The following ROBO1 variants were observed in gnomAD, a reference collection of about 807,000 sequenced individuals.
The protein encoded by ROBO1 is roundabout homolog 1.
A neutral mutation model predicts 195.9 loss-of-function variants in ROBO1; 149 were observed. The observed-to-expected ratio is 0.76, with a 90% CI of 0.67 to 0.87. The LOEUF (loss-of-function observed/expected upper bound fraction) is 0.87. ROBO1 is among the 40% of genes least tolerant of loss of function. The probability of loss-of-function intolerance (pLI) is 0.00; values close to 1 mark genes in which losing one functional copy is unlikely to be tolerated. For missense variants in ROBO1, 1,933 were observed against 2,068.3 expected (o/e 0.93, Z 1.27); for synonymous variants, 816 against 733.2 (o/e 1.11, Z -1.82).
chr3:78,648,366 T>C (rs915901651), intron 19 of ROBO1, among the ~76,000 whole-genome samples: 7 of 152,070 alleles, frequency 4.6e-5, no homozygotes, highest in Non-Finnish European at 8.8e-5. Flanking sequence ...TTTCTTTGAG[T>C]TTACTTTTAG....
chr3:79,301,031 C>T (rs193271990), intron 2 of ROBO1, among the ~76,000 whole-genome samples: 1 of 152,048 alleles, frequency 6.6e-6, no homozygotes, highest in Non-Finnish European at 1.5e-5. Context: ...GCAGGCTGCC[C>T]GAGCCAGCAG....
chr3:79,616,657 A>G (rs1227512940), intron 1 of ROBO1, among the ~76,000 whole-genome samples: 4 of 152,126 alleles, frequency 2.6e-5, no homozygotes, highest in African/African-American at 9.7e-5. Flanking sequence ...TCCAGTGGGC[A>G]GGAGGCACGA....
intron 2 of ROBO1, among the ~76,000 whole-genome samples, chr3:79,294,765 C>G (rs974392271): frequency 6.6e-6 from 1 of 152,036 alleles, no homozygotes; most frequent in Admixed American, 6.5e-5. Flanking sequence ...AAAAAACAAA[C>G]AACCCCTTCA....
At position 79,493,789 on chromosome 3, in the gene ROBO1, A is replaced by G. The variant is rs141528102; in HGVS notation, c.88+96035T>C. Reference sequence around the variant, plus strand: ...TACAGGTATACAATGTGTAATAATCATATCAAGGTAAATAGGGGTATCCAC... The same window carrying G: ...TACAGGTATACAATGTGTAATAATCGTATCAAGGTAAATAGGGGTATCCAC... On this transcript the variant is annotated intron_variant, in intron 2 of 30. Coordinates refer to ENST00000464233, the MANE Select transcript of ROBO1 (RefSeq NM_002941.4). Among the ~76,000 whole-genome samples the G allele has an allele frequency of 7.4e-3, 1,126 of 152,256 alleles. 11 individuals carry two copies. Among genetic ancestry groups the G allele is most frequent in the Non-Finnish European group, 0.013 (873 of 68,006 alleles).
intron 14 of ROBO1, among the ~76,000 whole-genome samples, chr3:78,663,911 ATCT>A (rs1338897111): frequency 6.6e-6 from 1 of 152,182 alleles, no homozygotes. Context: ...TTCAGAAAGT[ATCT>A]TCAAATACAG....
intron 8 of ROBO1, among the ~76,000 whole-genome samples, chr3:78,706,676 G>C (rs956407780): frequency 7.9e-5 from 12 of 152,018 alleles, no homozygotes; most frequent in African/African-American, 2.9e-4. Context: ...GTGAAGAATA[G>C]ATTCTATGAG....
chr3:79,607,227 A>T (rs1264859705), intron 1 of ROBO1, among the ~76,000 whole-genome samples: 1 of 151,504 alleles, frequency 6.6e-6, no homozygotes, highest in Non-Finnish European at 1.5e-5. Context: ...TTATATTGTT[A>T]AGGTTAATAT....
chr3:78,610,372 T>C (rs1245994142), intron 28 of ROBO1, among the ~76,000 whole-genome samples: 1 of 152,142 alleles, frequency 6.6e-6, no homozygotes, highest in East Asian at 1.9e-4. Context: ...TCAAGTAGCC[T>C]AAAGCCAAGG....
chr3:79,320,817 A>G (rs1559815759), intron 2 of ROBO1, among the ~76,000 whole-genome samples: 1 of 152,222 alleles, frequency 6.6e-6, no homozygotes, highest in Non-Finnish European at 1.5e-5. Flanking sequence ...TGAATCAGAG[A>G]TAAGTATTTA....
At chr3:78,647,226 T>C (rs1179295164) in intron 20 of ROBO1, among the ~76,000 whole-genome samples, 1 of 152,052 alleles carries the variant, frequency 6.6e-6, no homozygotes, top group African/African-American at 2.4e-5. Flanking sequence ...TTTAACAATA[T>C]TGATTCTGGG....
At chr3:78,958,886 G>A (rs1015912448) in intron 3 of ROBO1, among the ~76,000 whole-genome samples, 2 of 146,706 alleles carry the variant, frequency 1.4e-5, no homozygotes, top group Admixed American at 6.9e-5. Context: ...GTGCAGTGGC[G>A]TGATCTTGGC....
At chr3:79,208,530 C>T (rs1179373216) in intron 2 of ROBO1, among the ~76,000 whole-genome samples, 1 of 152,166 alleles carries the variant, frequency 6.6e-6, no homozygotes, top group Non-Finnish European at 1.5e-5. Context: ...AGGATTTCCA[C>T]AGACGGTGAA....
chr3:79,287,950 A>C (rs964081212), intron 2 of ROBO1, among the ~76,000 whole-genome samples: 2 of 152,064 alleles, frequency 1.3e-5, no homozygotes, highest in Non-Finnish European at 2.9e-5. Context: ...ATAAATGAGA[A>C]CACCCTAACC....
At chr3:78,944,325 T>C (rs2040298026) in intron 3 of ROBO1, among the ~76,000 whole-genome samples, 2 of 152,248 alleles carry the variant, frequency 1.3e-5, no homozygotes, top group Admixed American at 6.5e-5. Flanking sequence ...GATTGCTTAC[T>C]TTTAAAATAT....
chr3:79,283,784 G>C (rs1199584202), intron 2 of ROBO1, among the ~76,000 whole-genome samples: 1 of 149,798 alleles, frequency 6.7e-6, no homozygotes, highest in Non-Finnish European at 1.5e-5. Context: ...TGCAAGCTCC[G>C]CCTCCCGGGT....
At chr3:79,734,988 A>G (rs956613487) in intron 1 of ROBO1, among the ~76,000 whole-genome samples, 1 of 152,208 alleles carries the variant, frequency 6.6e-6, no homozygotes, top group African/African-American at 2.4e-5. Context: ...AGTGCTCTGA[A>G]TCGTAACAAC....
intron 2 of ROBO1, among the ~76,000 whole-genome samples, chr3:79,541,773 ATGTG>A (rs1242532945): frequency 6.7e-6 from 1 of 150,256 alleles, no homozygotes; most frequent in Non-Finnish European, 1.5e-5. Context: ...GTGTCTATAT[ATGTG>A]TGTGTATATG....
intron 4 of ROBO1, among the ~76,000 whole-genome samples, chr3:78,802,245 T>A (rs1317048338): frequency 6.6e-6 from 1 of 152,158 alleles, no homozygotes; most frequent in African/African-American, 2.4e-5. Flanking sequence ...GCATGCTTTC[T>A]ATATCAAACT....
rs377735410 is a variant in ROBO1 at position 78,834,870 on chromosome 3, A to T, written c.500-87970T>A. ...TGTTGCACTAAACAGTTGGTACAGA[A>T]ATTTCTTTCTTCCATACTGATTATA... is the stretch of plus-strand genomic sequence containing the variant. On this transcript the variant is annotated intron_variant, in intron 4 of 30. Transcript: ENST00000464233. 1.1e-4 allele frequency among the ~76,000 whole-genome samples: 16 copies of T among 152,216 alleles called. No individual in the cohort carries two copies. In the East Asian group the frequency reaches 1.2e-3, roughly 11 times the overall value.
Sources: allele counts gnomAD v4.1 joint callset (sites outside exome capture counted in the v4.1 genomes callset), GRCh38; gene constraint gnomAD v4.1.1; transcripts MANE v1.5; gene names NCBI Gene and HGNC (gene_info 2026-07-23, HGNC 2026-07-21).